Variants in LRRFIP1 observed in about 807,000 individuals in gnomAD.
LRRFIP1 encodes leucine-rich repeat flightless-interacting protein 1.
Under a neutral mutation model 104.4 loss-of-function variants are expected in LRRFIP1, and 62 were observed. That is an observed-to-expected ratio of 0.59 (90% CI 0.48 to 0.73). The LOEUF (loss-of-function observed/expected upper bound fraction) is 0.73. Among genes scored for constraint, LRRFIP1 ranks in the 30% least tolerant of loss-of-function variants. The probability of loss-of-function intolerance (pLI) is 0.00; values close to 1 mark genes in which losing one functional copy is unlikely to be tolerated. For missense variants in LRRFIP1, 796 were observed against 824.5 expected (o/e 0.97, Z 0.42); for synonymous variants, 300 against 299.0 (o/e 1.00, Z -0.03).
intron 1 of LRRFIP1, among the ~76,000 whole-genome samples, chr2:237,674,518 C>T (rs922878034): frequency 2.2e-4 from 34 of 152,104 alleles, no homozygotes; most frequent in African/African-American, 8.2e-4. Flanking sequence ...TGTTTTAAAA[C>T]CCTGGTATCA....
At chr2:237,698,406 G>A (rs2093326492) in intron 1 of LRRFIP1, among the ~76,000 whole-genome samples, 1 of 152,204 alleles carries the variant, frequency 6.6e-6, no homozygotes, top group South Asian at 2.1e-4. Flanking sequence ...CTCCTTTCTT[G>A]ACAGTCTGCA....
At position 237,739,316 on chromosome 2, in the gene LRRFIP1, C is replaced by T. The variant is rs1263461722; in HGVS notation, c.633+7C>T. On this transcript the variant is annotated splice_region_variant and intron_variant, in intron 11 of 23. Coordinates refer to ENST00000308482, the MANE Select transcript of LRRFIP1 (RefSeq NM_001137550.2). ...GGCCCGGGCCAGCCCTGTGGTAAGT[C>T]GGCCTCCTGGCCTTGCTCCTACTCA... 7.7e-6 allele frequency: 12 copies of T among 1,551,884 alleles called. No individual in the cohort carries two copies. The highest frequency in any genetic ancestry group is 4.8e-5 in the East Asian group (2 of 41,424).
intron 7 of LRRFIP1, among the ~76,000 whole-genome samples, chr2:237,725,960 A>G (rs2094731554): frequency 6.6e-6 from 1 of 152,254 alleles, no homozygotes; most frequent in Non-Finnish European, 1.5e-5. Flanking sequence ...AGTCAAAGTC[A>G]TCTAAAAGTG....
At chr2:237,638,193 T>C (rs1303185902) in intron 1 of LRRFIP1, among the ~76,000 whole-genome samples, 1 of 152,244 alleles carries the variant, frequency 6.6e-6, no homozygotes, top group Non-Finnish European at 1.5e-5. Context: ...GAGCTTATTT[T>C]CCTGCAACTA....
intron 19 of LRRFIP1, chr2:237,768,076 T>C (rs2060351533): frequency 6.6e-6 from 1 of 152,260 alleles, no homozygotes; most frequent in African/African-American, 2.4e-5. Flanking sequence ...ACTATAAGTC[T>C]ACCGGTGATG....
At chr2:237,699,858 A>G (rs1047478067) in intron 1 of LRRFIP1, among the ~76,000 whole-genome samples, 3 of 150,192 alleles carry the variant, frequency 2.0e-5, no homozygotes, top group East Asian at 3.9e-4. Context: ...GCCAGCTGCC[A>G]CCCCAGAGTG....
At chr2:237,749,997 TC>T (rs2058381272) in intron 13 of LRRFIP1, among the ~76,000 whole-genome samples, 1 of 152,126 alleles carries the variant, frequency 6.6e-6, no homozygotes, top group Non-Finnish European at 1.5e-5. Context: ...ACCTGTGTCC[TC>T]CAGGGAGCAG....
rs1576243377 is a variant in LRRFIP1, at chr2:237,751,103, C to T, written c.796-97C>T. The T allele has an allele frequency of 1.3e-5, 10 of 763,332 alleles. No homozygotes were observed. The East Asian group carries it at 2.2e-4, about 17-fold the overall frequency. The allele number at this position is 763,332 out of a possible 1,614,324, so 47.3% of individuals were successfully genotyped here. ...AAAATAAAAAAGAAAATTGGGTGCT[C>T]AGACTACCCAAATAGAAACTACCCT... is the stretch of plus-strand genomic sequence containing the variant. On this transcript the variant is annotated intron_variant, in intron 13 of 23. Transcript: ENST00000308482.
intron 1 of LRRFIP1, among the ~76,000 whole-genome samples, chr2:237,672,161 T>C (rs2090456186): frequency 6.6e-6 from 1 of 152,154 alleles, no homozygotes; most frequent in Non-Finnish European, 1.5e-5. Flanking sequence ...TCTGTCTAGA[T>C]CCTTTAAAAT....
At chr2:237,627,878 C>A in intron 1 of LRRFIP1, 138 bp downstream of exon 1, 1 of 483,048 alleles carries the variant, frequency 2.1e-6, no homozygotes, top group Non-Finnish European at 3.1e-6. Flanking sequence ...GTGGGCCGGG[C>A]AGGCGCGCGC....
Position 237,735,558 on chromosome 2 carries a change from T to C in LRRFIP1, c.555+225T>C. On this transcript the variant is annotated intron_variant, in intron 10 of 23. Coordinates refer to ENST00000308482, the MANE Select transcript of LRRFIP1 (RefSeq NM_001137550.2). The surrounding 1 kb of genome is among the most constrained non-coding windows in gnomAD (Gnocchi z 4.6). Reference sequence around the variant, plus strand: ...GTCCTCACTCATCAGGGAGAGTAACTTGCACTGAGTTTCATCTGCTCTCTC... The same window carrying C: ...GTCCTCACTCATCAGGGAGAGTAACCTGCACTGAGTTTCATCTGCTCTCTC... The C allele has an allele frequency of 1.9e-6, 1 of 513,152 alleles. No homozygotes were observed. Among genetic ancestry groups the C allele is most frequent in the Non-Finnish European group, 3.5e-6 (1 of 289,360 alleles). 31.8% of individuals were successfully genotyped at this position (513,152 alleles called of 1,614,324 possible). A position where few individuals can be genotyped will look rare whatever the true frequency, so the allele number is the denominator to read the frequency against.
intron 1 of LRRFIP1, among the ~76,000 whole-genome samples, chr2:237,642,430 G>T (rs1216685495): frequency 6.6e-6 from 1 of 151,626 alleles, no homozygotes; most frequent in Non-Finnish European, 1.5e-5. Context: ...AAGGGTTTCA[G>T]CTTCCGGGTT....
At chr2:237,696,747 G>A (rs1054964648) in intron 1 of LRRFIP1, among the ~76,000 whole-genome samples, 4 of 152,242 alleles carry the variant, frequency 2.6e-5, no homozygotes, top group Non-Finnish European at 5.9e-5. Flanking sequence ...ATGCAATGCT[G>A]CAGGCAGGGG....
At chr2:237,663,523 C>A (rs889035568) in intron 1 of LRRFIP1, among the ~76,000 whole-genome samples, 1 of 152,246 alleles carries the variant, frequency 6.6e-6, no homozygotes, top group Non-Finnish European at 1.5e-5. Context: ...ACTGAATCTG[C>A]TGGCACCTTG....
At chr2:237,763,618 A>G in intron 19 of LRRFIP1, 2 of 1,613,930 alleles carry the variant, frequency 1.2e-6, no homozygotes, top group Non-Finnish European at 8.5e-7. Flanking sequence ...AGAAAATTGC[A>G]GCAGAAAGCA....
At chr2:237,695,473 A>T (rs987939610) in intron 1 of LRRFIP1, among the ~76,000 whole-genome samples, 3 of 152,262 alleles carry the variant, frequency 2.0e-5, no homozygotes, top group Admixed American at 6.5e-5. Context: ...TTTGGTCCTC[A>T]AAAGGCAATG....
At position 237,760,056 on chromosome 2, in the gene LRRFIP1, G is replaced by T; in HGVS notation, c.1318-8G>T. ...TAAATATTACGATGAGCCTATTTTT[G>T]TTCCCAGAAACATGGAATAATCCTA... is the stretch of plus-strand genomic sequence containing the variant. On this transcript the variant is annotated splice_region_variant and splice_polypyrimidine_tract_variant and intron_variant, in intron 18 of 23. Transcript: ENST00000308482. 6.2e-7 allele frequency: 1 copy of T among 1,611,744 alleles called. No homozygotes were observed. Among genetic ancestry groups the T allele is most frequent in the South Asian group, 1.1e-5 (1 of 90,918 alleles).
chr2:237,747,621 C>T (rs2058045694), intron 11 of LRRFIP1, among the ~76,000 whole-genome samples: 1 of 152,226 alleles, frequency 6.6e-6, no homozygotes, highest in South Asian at 2.1e-4. Context: ...CCCAGGTCAT[C>T]TCTCAGATCT....
At position 237,780,716 on chromosome 2, in the gene LRRFIP1, A is replaced by C. The variant is rs2150955939; in HGVS notation, c.*1184A>C. Among the ~76,000 whole-genome samples the C allele has an allele frequency of 6.6e-6, 1 of 152,326 alleles. No homozygotes were observed. The highest frequency in any genetic ancestry group is 1.9e-4 in the East Asian group (1 of 5,178). On this transcript the variant is annotated 3_prime_UTR_variant, in exon 24 of 24. Coordinates refer to ENST00000308482, the MANE Select transcript of LRRFIP1 (RefSeq NM_001137550.2). ...GGAGAATGCTGGAGTGAGGGTTGTG[A>C]GTTCAGGGTATATAATCAAGAAAAC...
Sources: allele counts gnomAD v4.1 joint callset (sites outside exome capture counted in the v4.1 genomes callset), GRCh38; gene constraint gnomAD v4.1.1; non-coding constraint Gnocchi (gnomAD v3.1); transcripts MANE v1.5; gene names NCBI Gene and HGNC (gene_info 2026-07-23, HGNC 2026-07-21).